Variants in SMAD9 observed in about 807,000 individuals in gnomAD.
SMAD9 encodes the protein SMAD family member 9.
A neutral mutation model predicts 46.1 loss-of-function variants in SMAD9; 36 were observed. The ratio of observed to expected loss-of-function variants is 0.78; its 90% CI spans 0.60 to 1.03. The LOEUF is 1.03. Among genes scored for constraint, SMAD9 ranks in the 50% least tolerant of loss-of-function variants. SMAD9 has a pLI of 0.00. For synonymous variants in SMAD9, 245 were observed against 237.1 expected (o/e 1.03, Z -0.31); for missense variants, 572 against 599.8 (o/e 0.95, Z 0.48).
Position 36,867,493 on chromosome 13 carries a change from C to G in SMAD9, c.671-110G>C, listed in dbSNP as rs2058246866. On this transcript the variant is annotated intron_variant, in intron 3 of 6. Coordinates refer to ENST00000379826, the MANE Select transcript of SMAD9 (RefSeq NM_001127217.3). ...CTCCTGAGCTTGGTGGACAGTGCTA[C>G]TCCTACAGAGAGACCATATTAATGT... The G allele has an allele frequency of 6.0e-6, 4 of 667,118 alleles. No individual in the cohort carries two copies. In the Admixed American group the frequency reaches 1.1e-4, roughly 18 times the overall value. 41.3% of individuals were successfully genotyped at this position (667,118 alleles called of 1,614,324 possible). A position where few individuals can be genotyped will look rare whatever the true frequency, so the allele number is the denominator to read the frequency against.
intron 5 of SMAD9, among the ~76,000 whole-genome samples, chr13:36,855,230 C>T (rs1222067205): frequency 7.8e-6 from 1 of 128,828 alleles, no homozygotes; most frequent in Non-Finnish European, 1.5e-5. Context: ...CCAGACTGGG[C>T]GACTGAGTGA....
At chr13:36,853,166 T>C (rs1313923347) in intron 6 of SMAD9, among the ~76,000 whole-genome samples, 1 of 152,046 alleles carries the variant, frequency 6.6e-6, no homozygotes, top group Non-Finnish European at 1.5e-5. Flanking sequence ...GTGCCTGTAG[T>C]CCCAGCTACC....
At chr13:36,883,863 C>T (rs117910810) in intron 1 of SMAD9, among the ~76,000 whole-genome samples, 92 of 152,174 alleles carry the variant, frequency 6.0e-4, no homozygotes, top group Non-Finnish European at 1.2e-3. Flanking sequence ...ATCGTGTATC[C>T]CTGTCACAGA....
chr13:36,867,294 C>G lies in SMAD9; in HGVS notation c.760G>C (p.Val254Leu). The change falls in exon 4 of 7, where the codon GTG becomes CTG. Residue 254 changes from valine to leucine, a missense_variant. Coordinates refer to ENST00000379826, the MANE Select transcript of SMAD9 (RefSeq NM_001127217.3). ...PVDATADRHV[V>L]LSIPNGDFRP... is the part of the protein sequence containing the mutation. Reference sequence around the variant, plus strand: ...TTACCTCCATTTGGTATCGATAGCACTACATGTCTATCAGCTGTGGCATCT... The same window carrying G: ...TTACCTCCATTTGGTATCGATAGCAGTACATGTCTATCAGCTGTGGCATCT... 1 of 1,547,610 alleles carries G rather than the reference C, an allele frequency of 6.5e-7. No individual in the cohort carries two copies. The highest frequency in any genetic ancestry group is 1.2e-5 in the South Asian group (1 of 83,966).
chr13:36,863,373 A>T (rs551012), intron 5 of SMAD9, among the ~76,000 whole-genome samples: 1 of 152,208 alleles, frequency 6.6e-6, no homozygotes, highest in African/African-American at 2.4e-5. Flanking sequence ...GGACCATGTG[A>T]CAGTGAGTAC....
At chr13:36,902,453 GTTC>G (rs758190655) in intron 1 of SMAD9, among the ~76,000 whole-genome samples, 24 of 150,814 alleles carry the variant, frequency 1.6e-4, no homozygotes, top group African/African-American at 2.2e-4. Flanking sequence ...CTTCAACTTT[GTTC>G]TTCTTTTTTT....
Position 36,879,433 on chromosome 13 carries a change from C to A in SMAD9, c.257G>T (p.Gly86Val), listed in dbSNP as rs2058380518. 1 of 1,613,678 alleles carries A rather than the reference C, an allele frequency of 6.2e-7. No individual in the cohort carries two copies. The highest frequency in any genetic ancestry group is 8.5e-7 in the Non-Finnish European group (1 of 1,180,040). ...DGRLQVSHRK[G>V]LPHVIYCRVW... ...GCGACAGTAAATCACATGGGGCAGG[C>A]CCTTGCGGTGGGACACCTGCAGCCG... The change falls in exon 2 of 7, where the codon GGC (glycine) becomes GTC (valine). Residue 86 changes from glycine to valine, a missense_variant. Transcript: ENST00000379826.
chr13:36,912,699 G>T (rs892015127), intron 1 of SMAD9, among the ~76,000 whole-genome samples: 1 of 152,164 alleles, frequency 6.6e-6, no homozygotes, highest in Non-Finnish European at 1.5e-5. Flanking sequence ...GCCTAGGGAT[G>T]TTCTCAGCAT....
chr13:36,851,599 T>C (rs752528565), intron 6 of SMAD9: 47 of 272,022 alleles, frequency 1.7e-4, no homozygotes, highest in Non-Finnish European at 2.5e-4. Flanking sequence ...GGCCTGCACA[T>C]GGCAGGTGCT....
chr13:36,889,673 C>T (rs2058474641), intron 1 of SMAD9, among the ~76,000 whole-genome samples: 1 of 152,142 alleles, frequency 6.6e-6, no homozygotes, highest in South Asian at 2.1e-4. Context: ...CTATTTGTAA[C>T]TCTTAATGTG....
intron 3 of SMAD9, among the ~76,000 whole-genome samples, chr13:36,870,887 A>G (rs964936592): frequency 1.3e-5 from 2 of 152,214 alleles, no homozygotes; most frequent in Admixed American, 1.3e-4. Context: ...TCACAGAGAC[A>G]GCTACTAATT....
At chr13:36,899,735 T>C (rs2058558564) in intron 1 of SMAD9, among the ~76,000 whole-genome samples, 1 of 152,190 alleles carries the variant, frequency 6.6e-6, no homozygotes, top group Non-Finnish European at 1.5e-5. Context: ...ATCCTAAATT[T>C]ATCAGCATAT....
chr13:36,869,101 G>A (rs1451903321), intron 3 of SMAD9, among the ~76,000 whole-genome samples: 1 of 152,138 alleles, frequency 6.6e-6, no homozygotes, highest in Non-Finnish European at 1.5e-5. Flanking sequence ...CTTACCAGGG[G>A]CTGGCAAAGT....
intron 2 of SMAD9, 48 bp downstream of exon 2, chr13:36,879,230 A>T (rs373978989): frequency 6.5e-7 from 1 of 1,540,216 alleles, no homozygotes. Flanking sequence ...AATGGGGCAC[A>T]CGACCTTCAC....
chr13:36,861,071 C>T (rs1438899805), intron 5 of SMAD9, among the ~76,000 whole-genome samples: 3 of 152,134 alleles, frequency 2.0e-5, no homozygotes, highest in Admixed American at 6.5e-5. Context: ...ATGCTTTCTA[C>T]CAGCCCCTCT....
intron 1 of SMAD9, among the ~76,000 whole-genome samples, chr13:36,880,722 A>C (rs1186555628): frequency 6.6e-6 from 1 of 152,232 alleles, no homozygotes; most frequent in Non-Finnish European, 1.5e-5. Flanking sequence ...GAGTATATGG[A>C]GAAAAGATGA....
At chr13:36,869,712 C>T (rs950382673) in intron 3 of SMAD9, among the ~76,000 whole-genome samples, 11 of 151,814 alleles carry the variant, frequency 7.2e-5, no homozygotes, top group East Asian at 2.0e-4. Context: ...GTCTGTAATC[C>T]GAGGTACTTG....
intron 3 of SMAD9, among the ~76,000 whole-genome samples, chr13:36,867,770 T>C (rs77462048): frequency 0.035 from 5,370 of 152,236 alleles, 330 homozygotes; most frequent in African/African-American, 0.12. Context: ...ATTTTCAGCT[T>C]CTATGTTGTC....
rs187290607 is a variant in SMAD9, at chr13:36,847,373, A to G, written c.*1303T>C. On this transcript the variant is annotated 3_prime_UTR_variant, in exon 7 of 7. Transcript: ENST00000379826. ...GCAATGCAGTGTTTAGTGCATGGCAAGTATATATATGAAAGTACCTAGAAA... is the reference window on the plus strand; with the variant it reads ...GCAATGCAGTGTTTAGTGCATGGCAGGTATATATATGAAAGTACCTAGAAA... 1.3e-5 allele frequency: 2 copies of G among 152,360 alleles called. No homozygotes were observed. The highest frequency in any genetic ancestry group is 6.5e-5 in the Admixed American group (1 of 15,306). 9.4% of individuals were successfully genotyped at this position (152,360 alleles called of 1,614,324 possible).
Sources: gnomAD v4.1 joint callset for allele counts (sites outside exome capture counted in the v4.1 genomes callset) on GRCh38, gnomAD v4.1.1 for gene constraint, MANE v1.5 for transcripts, NCBI Gene and HGNC (gene_info 2026-07-23, HGNC 2026-07-21) for gene names.